The following GALNT13 variants were observed in gnomAD, a reference collection of about 807,000 sequenced individuals.
GALNT13 encodes the protein polypeptide N-acetylgalactosaminyltransferase 13.
Under a neutral mutation model 64.2 loss-of-function variants are expected in GALNT13, and 28 were observed. The observed-to-expected ratio is 0.44, with a 90% CI of 0.32 to 0.60. GALNT13 has a LOEUF of 0.60. GALNT13 is among the 20% of genes least tolerant of loss of function. The pLI is 0.05. For missense variants in GALNT13, 577 were observed against 669.8 expected (o/e 0.86, Z 1.53); for synonymous variants, 214 against 224.6 (o/e 0.95, Z 0.42).
intron 10 of GALNT13, among the ~76,000 whole-genome samples, chr2:154,403,473 C>A (rs536374727): frequency 6.6e-6 from 1 of 150,860 alleles, no homozygotes; most frequent in Admixed American, 6.6e-5. Flanking sequence ...AAAACAAAAA[C>A]GAAAAAAAAA....
intron 3 of GALNT13, among the ~76,000 whole-genome samples, chr2:154,068,778 T>G (rs570013812): frequency 5.3e-4 from 80 of 152,068 alleles, no homozygotes; most frequent in Non-Finnish European, 8.0e-4. Context: ...AAAAATATAG[T>G]TAGATAGAAT....
the GALNT13 span, among the ~76,000 whole-genome samples, chr2:153,477,065 C>T: frequency 1.3e-5 from 2 of 152,124 alleles, no homozygotes; most frequent in Admixed American, 1.3e-4. Flanking sequence ...GTCTCGCCTA[C>T]CTGAGAGCTG....
At chr2:153,608,039 G>A in the GALNT13 span, among the ~76,000 whole-genome samples, 1 of 152,026 alleles carries the variant, frequency 6.6e-6, no homozygotes, top group Admixed American at 6.6e-5. Flanking sequence ...TGCCAAAACT[G>A]GCCACTGGAA....
chr2:153,193,975 C>T, the GALNT13 span, among the ~76,000 whole-genome samples: 201 of 152,180 alleles, frequency 1.3e-3, 1 homozygote, highest in African/African-American at 4.6e-3. Context: ...GCTAGTCTGG[C>T]GGGTTCCCTT....
the GALNT13 span, among the ~76,000 whole-genome samples, chr2:153,473,508 G>A: frequency 6.6e-6 from 1 of 152,152 alleles, no homozygotes; most frequent in African/African-American, 2.4e-5. Context: ...CAGACATTAG[G>A]AAACAATTAC....
At chr2:154,238,248 A>G (rs771539385) in intron 4 of GALNT13, among the ~76,000 whole-genome samples, 1 of 152,058 alleles carries the variant, frequency 6.6e-6, no homozygotes, top group Non-Finnish European at 1.5e-5. Flanking sequence ...CTCATATGAT[A>G]AGCAATACTA....
the GALNT13 span, among the ~76,000 whole-genome samples, chr2:153,150,499 T>G: frequency 7.2e-5 from 11 of 152,168 alleles, no homozygotes; most frequent in Non-Finnish European, 1.6e-4. Flanking sequence ...TTGTCAATTT[T>G]GGCTTTTGTT....
At chr2:154,121,995 A>C (rs993915611) in intron 3 of GALNT13, among the ~76,000 whole-genome samples, 1 of 151,988 alleles carries the variant, frequency 6.6e-6, no homozygotes, top group Admixed American at 6.5e-5. Flanking sequence ...AAACATTTTT[A>C]TTCAAGTCGA....
At chr2:153,117,521 G>A in the GALNT13 span, among the ~76,000 whole-genome samples, 11 of 152,238 alleles carry the variant, frequency 7.2e-5, no homozygotes, top group African/African-American at 2.6e-4. Context: ...ACTTACTCAT[G>A]GAAAAAGTGG....
intron 2 of GALNT13, among the ~76,000 whole-genome samples, chr2:153,921,271 A>T (rs2105336650): frequency 6.6e-6 from 1 of 152,322 alleles, no homozygotes; most frequent in Non-Finnish European, 1.5e-5. Context: ...GAACATATAC[A>T]CCATGAAATA....
intron 3 of GALNT13, among the ~76,000 whole-genome samples, chr2:153,975,611 T>C (rs1483506119): frequency 6.6e-6 from 1 of 152,106 alleles, no homozygotes; most frequent in Non-Finnish European, 1.5e-5. Context: ...CACTCTACCG[T>C]GGATGAAACT....
intron 3 of GALNT13, among the ~76,000 whole-genome samples, chr2:154,094,673 T>G (rs2105447762): frequency 6.6e-6 from 1 of 152,122 alleles, no homozygotes; most frequent in South Asian, 2.1e-4. Flanking sequence ...TGAGTAGTCA[T>G]ACATAATATT....
chr2:153,398,600 T>C, the GALNT13 span, among the ~76,000 whole-genome samples: 1 of 152,220 alleles, frequency 6.6e-6, no homozygotes, highest in South Asian at 2.1e-4. Flanking sequence ...TCCTGACTTT[T>C]TAATGATTGC....
the GALNT13 span, among the ~76,000 whole-genome samples, chr2:153,786,543 G>A: frequency 9.2e-5 from 14 of 151,920 alleles, no homozygotes; most frequent in East Asian, 2.3e-3. Context: ...GAAACAAAGA[G>A]CCTAGGGCTA....
chr2:154,311,758 C>T (rs1239031532), intron 9 of GALNT13, among the ~76,000 whole-genome samples: 2 of 152,220 alleles, frequency 1.3e-5, no homozygotes, highest in South Asian at 4.2e-4. Flanking sequence ...ACAGGTACGC[C>T]CTGGGGGGGC....
intron 3 of GALNT13, among the ~76,000 whole-genome samples, chr2:153,981,961 A>T (rs1487060600): frequency 6.6e-6 from 1 of 151,996 alleles, no homozygotes; most frequent in Non-Finnish European, 1.5e-5. Flanking sequence ...CAGTTGTGGC[A>T]TTAGTGAGTA....
chr2:154,333,564 CA>C (rs1466361466), intron 9 of GALNT13, among the ~76,000 whole-genome samples: 5 of 152,072 alleles, frequency 3.3e-5, no homozygotes, highest in African/African-American at 9.7e-5. Flanking sequence ...ACAAATTGCA[CA>C]TCTTCAATTG....
the GALNT13 span, among the ~76,000 whole-genome samples, chr2:153,194,271 C>T: frequency 2.0e-5 from 3 of 151,972 alleles, no homozygotes; most frequent in South Asian, 2.1e-4. Flanking sequence ...ATCATGAAGG[C>T]TTTCTTTTTA....
rs1701953728 is a variant in GALNT13, at chr2:154,453,546, C to T, written c.*2995C>T. ...TTATCAGTAAGACAAACCCTTCTCCCATCTGCCTTCCCTATCCCCTGTACC... is the reference window on the plus strand; with the variant it reads ...TTATCAGTAAGACAAACCCTTCTCCTATCTGCCTTCCCTATCCCCTGTACC... On this transcript the variant is annotated 3_prime_UTR_variant, in exon 13 of 13. Coordinates refer to ENST00000392825, the MANE Select transcript of GALNT13 (RefSeq NM_052917.4). 3 of 152,120 alleles carry T rather than the reference C, an allele frequency of 2.0e-5. No homozygotes were observed. The highest frequency in any genetic ancestry group is 6.6e-5 in the Admixed American group (1 of 15,254). The allele number at this position is 152,120 out of a possible 1,614,324, so 9.4% of individuals were successfully genotyped here.
Sources: gnomAD v4.1 joint callset for allele counts (sites outside exome capture counted in the v4.1 genomes callset) on GRCh38, gnomAD v4.1.1 for gene constraint, MANE v1.5 for transcripts, NCBI Gene and HGNC (gene_info 2026-07-23, HGNC 2026-07-21) for gene names.